Variants in PAK5 observed in about 807,000 individuals in gnomAD.
PAK5 encodes the protein serine/threonine-protein kinase PAK 5.
A neutral mutation model predicts 65.9 loss-of-function variants in PAK5; 16 were observed. The observed-to-expected ratio is 0.24, with a 90% confidence interval of 0.16 to 0.37. The LOEUF is 0.37. PAK5 is among the 10% of genes least tolerant of loss of function. The pLI is 1.00. For synonymous variants in PAK5, 371 were observed against 354.9 expected (o/e 1.05, Z -0.51); for missense variants, 785 against 903.9 (o/e 0.87, Z 1.69).
At chr20:9,721,254 C>T (rs1252422051) in intron 1 of PAK5, among the ~76,000 whole-genome samples, 5 of 152,010 alleles carry the variant, frequency 3.3e-5, no homozygotes, top group Non-Finnish European at 5.9e-5. Flanking sequence ...CTCCTCTTCC[C>T]GTGGCTCAAT....
chr20:9,792,909 C>T (rs1406620980), intron 1 of PAK5, among the ~76,000 whole-genome samples: 1 of 152,170 alleles, frequency 6.6e-6, no homozygotes, highest in Non-Finnish European at 1.5e-5. Flanking sequence ...AGCGAACAGG[C>T]AGGCAGACAG....
At chr20:9,694,701 GA>G (rs1390234695) in intron 2 of PAK5, among the ~76,000 whole-genome samples, 1 of 152,012 alleles carries the variant, frequency 6.6e-6, no homozygotes, top group East Asian at 1.9e-4. Context: ...TTGTATTTGT[GA>G]GATTAATTCA....
intron 3 of PAK5, among the ~76,000 whole-genome samples, chr20:9,603,827 C>T (rs1280246583): frequency 6.6e-6 from 1 of 152,130 alleles, no homozygotes; most frequent in Non-Finnish European, 1.5e-5. Flanking sequence ...GAAACTGAGT[C>T]TTGAGCCAGG....
At chr20:9,707,858 C>G (rs2048028411) in intron 2 of PAK5, among the ~76,000 whole-genome samples, 1 of 152,154 alleles carries the variant, frequency 6.6e-6, no homozygotes, top group South Asian at 2.1e-4. Flanking sequence ...ACAGAGCAAA[C>G]CTAGCTAAGA....
intron 3 of PAK5, among the ~76,000 whole-genome samples, chr20:9,584,888 G>T (rs1285643198): frequency 2.0e-5 from 3 of 152,156 alleles, no homozygotes; most frequent in African/African-American, 7.2e-5. Flanking sequence ...GGAATTCATG[G>T]TTCCTCCAAA....
In PAK5 at chr20:9,798,385, G is replaced by A. The variant is rs75493830; in HGVS notation, c.-162+40377C>T. ...AACATGCAAACTACTGAATGTAGAGGTTAGACTGTACAGGATTCAAAGTAC... is the reference window on the plus strand; with the variant it reads ...AACATGCAAACTACTGAATGTAGAGATTAGACTGTACAGGATTCAAAGTAC... On this transcript the variant is annotated intron_variant, in intron 1 of 9. Coordinates refer to ENST00000353224, the MANE Select transcript of PAK5 (RefSeq NM_177990.4). Among the ~76,000 whole-genome samples, 648 of 152,202 alleles carry A rather than the reference G, an allele frequency of 4.3e-3. 6 individuals carry two copies. The highest frequency in any genetic ancestry group is 0.015 in the African/African-American group (611 of 41,550).
At chr20:9,642,804 C>T (rs773456265) in intron 3 of PAK5, among the ~76,000 whole-genome samples, 1 of 152,096 alleles carries the variant, frequency 6.6e-6, no homozygotes, top group Non-Finnish European at 1.5e-5. Context: ...CTCAAATATC[C>T]ATTTTTTTGT....
At chr20:9,641,755 G>T (rs543254776) in intron 3 of PAK5, among the ~76,000 whole-genome samples, 4 of 152,104 alleles carry the variant, frequency 2.6e-5, no homozygotes, top group African/African-American at 9.7e-5. Context: ...GCTAAGGCCC[G>T]GCGAGAAATC....
chr20:9,771,319 T>C (rs2048829615), intron 1 of PAK5, among the ~76,000 whole-genome samples: 1 of 152,218 alleles, frequency 6.6e-6, no homozygotes. Flanking sequence ...TGGTTGAATC[T>C]TGCCAACTTC....
intron 2 of PAK5, among the ~76,000 whole-genome samples, chr20:9,662,665 C>T (rs2047362182): frequency 6.6e-6 from 1 of 152,174 alleles, no homozygotes; most frequent in Non-Finnish European, 1.5e-5. Context: ...TGACCAGGAG[C>T]ACCTGCACTG....
intron 1 of PAK5, among the ~76,000 whole-genome samples, chr20:9,727,042 T>C (rs1231877631): frequency 1.3e-5 from 2 of 152,160 alleles, no homozygotes; most frequent in African/African-American, 4.8e-5. Flanking sequence ...GTTTTCTTTC[T>C]AGAAATCCTA....
intron 6 of PAK5, among the ~76,000 whole-genome samples, chr20:9,557,967 C>A (rs554020329): frequency 2.6e-5 from 4 of 152,052 alleles, no homozygotes; most frequent in Non-Finnish European, 5.9e-5. Context: ...CACTATTTGT[C>A]AGCTTTTTGG....
intron 1 of PAK5, among the ~76,000 whole-genome samples, chr20:9,822,705 A>G (rs1469808576): frequency 1.3e-5 from 2 of 152,228 alleles, no homozygotes; most frequent in African/African-American, 4.8e-5. Context: ...TAGATGTAGC[A>G]AGCCTTATTA....
chr20:9,801,490 T>C (rs562066333), intron 1 of PAK5, among the ~76,000 whole-genome samples: 1 of 150,884 alleles, frequency 6.6e-6, no homozygotes. Context: ...TATATAAACA[T>C]ATATATACAT....
intron 1 of PAK5, among the ~76,000 whole-genome samples, chr20:9,793,708 G>A (rs192935168): frequency 2.0e-5 from 3 of 152,144 alleles, no homozygotes; most frequent in African/African-American, 4.8e-5. Context: ...TGGAGAAATA[G>A]GAACACTTTT....
intron 1 of PAK5, among the ~76,000 whole-genome samples, chr20:9,836,178 C>CTG (rs1979132943): frequency 1.3e-5 from 2 of 151,390 alleles, no homozygotes; most frequent in African/African-American, 2.4e-5. Context: ...TCTATCTTTA[C>CTG]CTCTTATGCT....
chr20:9,804,420 A>G (rs942555373), intron 1 of PAK5, among the ~76,000 whole-genome samples: 4 of 152,208 alleles, frequency 2.6e-5, no homozygotes, highest in Admixed American at 6.6e-5. Flanking sequence ...TCATACATCT[A>G]TGGTCAGTTG....
At chr20:9,752,229 C>A (rs2048585260) in intron 1 of PAK5, among the ~76,000 whole-genome samples, 1 of 152,060 alleles carries the variant, frequency 6.6e-6, no homozygotes, top group African/African-American at 2.4e-5. Context: ...TCACAAAGTC[C>A]TTGAAACAGA....
chr20:9,789,995 T>C (rs2049032872), intron 1 of PAK5, among the ~76,000 whole-genome samples: 1 of 152,112 alleles, frequency 6.6e-6, no homozygotes, highest in Non-Finnish European at 1.5e-5. Context: ...AATGAGCAAA[T>C]GCTTGAAGAC....
Sources: allele counts gnomAD v4.1 joint callset (sites outside exome capture counted in the v4.1 genomes callset), GRCh38; gene constraint gnomAD v4.1.1; transcripts MANE v1.5; gene names NCBI Gene and HGNC (gene_info 2026-07-23, HGNC 2026-07-21).